The following SPIDR variants were observed in gnomAD, a reference collection of about 807,000 sequenced individuals.
SPIDR encodes the protein scaffold protein involved in DNA repair.
Under a neutral mutation model 104.6 loss-of-function variants are expected in SPIDR, and 93 were observed. That is an observed-to-expected ratio of 0.89 (90% CI 0.75 to 1.06). The LOEUF (loss-of-function observed/expected upper bound fraction) is 1.06, where lower values mean the gene tolerates loss of function less well. Among genes scored for constraint, SPIDR ranks in the 50% least tolerant of loss-of-function variants. SPIDR has a pLI of 0.00. For synonymous variants in SPIDR, 431 were observed against 416.9 expected (o/e 1.03, Z -0.41); for missense variants, 1,154 against 1,111.2 (o/e 1.04, Z -0.55).
intron 5 of SPIDR, among the ~76,000 whole-genome samples, chr8:47,323,102 GA>G (rs2047041851): frequency 4.7e-5 from 7 of 149,180 alleles, no homozygotes; most frequent in Non-Finnish European, 8.9e-5. Flanking sequence ...AAAAGAAGAA[GA>G]AGAGAAAAAA....
chr8:47,642,298 C>T (rs1419524326), intron 10 of SPIDR, among the ~76,000 whole-genome samples: 1 of 151,862 alleles, frequency 6.6e-6, no homozygotes, highest in Non-Finnish European at 1.5e-5. Context: ...CGCCTGTAGT[C>T]CCAGCTACTC....
intron 11 of SPIDR, among the ~76,000 whole-genome samples, chr8:47,688,003 G>A (rs1365120702): frequency 7.3e-5 from 8 of 109,968 alleles, no homozygotes; most frequent in Non-Finnish European, 1.6e-4. Flanking sequence ...AGACCTGGCT[G>A]TCAAAAAAAA....
intron 8 of SPIDR, among the ~76,000 whole-genome samples, chr8:47,551,899 T>C (rs2090556196): frequency 6.6e-6 from 1 of 152,228 alleles, no homozygotes; most frequent in Admixed American, 6.5e-5. Context: ...CTTTCTTTTA[T>C]GGGCATTTAA....
intron 10 of SPIDR, among the ~76,000 whole-genome samples, chr8:47,646,883 T>G (rs1410996541): frequency 6.6e-6 from 1 of 152,204 alleles, no homozygotes; most frequent in Admixed American, 6.5e-5. Context: ...CTTGAAATGT[T>G]TAGACGTTAT....
intron 5 of SPIDR, among the ~76,000 whole-genome samples, chr8:47,373,844 T>C (rs186371591): frequency 1.1e-4 from 16 of 152,264 alleles, no homozygotes; most frequent in African/African-American, 3.6e-4. Flanking sequence ...TTTTCAGTTA[T>C]TAATAAATAT....
chr8:47,430,983 C>T (rs1460599661), intron 7 of SPIDR, among the ~76,000 whole-genome samples: 1 of 152,186 alleles, frequency 6.6e-6, no homozygotes. Flanking sequence ...GTGTGTTGGG[C>T]GGTCCTGTAT....
At chr8:47,461,071 T>C (rs1280795700) in intron 8 of SPIDR, among the ~76,000 whole-genome samples, 9 of 152,188 alleles carry the variant, frequency 5.9e-5, no homozygotes, top group Admixed American at 5.9e-4. Context: ...CCTGGTGCTT[T>C]TGCCTCACAG....
At chr8:47,305,981 T>C (rs1350331572) in intron 5 of SPIDR, among the ~76,000 whole-genome samples, 1 of 152,178 alleles carries the variant, frequency 6.6e-6, no homozygotes, top group Admixed American at 6.6e-5. Flanking sequence ...AACTCCTCCT[T>C]CTGTCTTTCC....
At chr8:47,371,913 T>C (rs782523025) in intron 5 of SPIDR, among the ~76,000 whole-genome samples, 7 of 152,184 alleles carry the variant, frequency 4.6e-5, no homozygotes, top group East Asian at 3.9e-4. Flanking sequence ...GGTTCTGCCG[T>C]ATTGACTACA....
At chr8:47,458,324 T>TA (rs1425670287) in intron 8 of SPIDR, among the ~76,000 whole-genome samples, 2 of 21,070 alleles carry the variant, frequency 9.5e-5, no homozygotes, top group Non-Finnish European at 2.0e-4. Flanking sequence ...TATTCCTAAG[T>TA]ATTTTATTTT....
intron 6 of SPIDR, 44 bp from the exon 7 acceptor site, chr8:47,407,816 GT>G (rs2062961360): frequency 8.1e-7 from 1 of 1,234,990 alleles, no homozygotes; most frequent in Non-Finnish European, 1.2e-6. Flanking sequence ...TGATTCTGAA[GT>G]TTTCCTTTTA....
At chr8:47,300,060 G>A (rs987185240) in intron 5 of SPIDR, among the ~76,000 whole-genome samples, 9 of 152,284 alleles carry the variant, frequency 5.9e-5, no homozygotes, top group Admixed American at 1.3e-4. Flanking sequence ...GGTAGAATTT[G>A]GCTGTGAATC....
chr8:47,517,383 C>G (rs1270004610), intron 8 of SPIDR, among the ~76,000 whole-genome samples: 2 of 152,140 alleles, frequency 1.3e-5, no homozygotes, highest in Non-Finnish European at 2.9e-5. Flanking sequence ...GAGAGTTCCT[C>G]ATCAATCCTT....
intron 17 of SPIDR, chr8:47,728,650 C>A: frequency 3.3e-6 from 1 of 299,846 alleles, no homozygotes; most frequent in Non-Finnish European, 6.2e-6. Context: ...TGACCCCTGG[C>A]CTCCCAGGCC....
intron 8 of SPIDR, among the ~76,000 whole-genome samples, chr8:47,455,875 T>A (rs2072868062): frequency 6.6e-6 from 1 of 152,014 alleles, no homozygotes; most frequent in Non-Finnish European, 1.5e-5. Context: ...ATGGACAGAA[T>A]TGAAAGGAGA....
At chr8:47,390,913 T>G (rs782107709) in intron 5 of SPIDR, among the ~76,000 whole-genome samples, 2 of 152,174 alleles carry the variant, frequency 1.3e-5, no homozygotes, top group East Asian at 1.9e-4. Context: ...AAAGGAAATA[T>G]AAGCTTGAAC....
chr8:47,700,126 A>G (rs2079942276), intron 11 of SPIDR, among the ~76,000 whole-genome samples: 1 of 152,296 alleles, frequency 6.6e-6, no homozygotes, highest in African/African-American at 2.4e-5. Flanking sequence ...TTCCATGTCC[A>G]TAAGTATTTT....
intron 16 of SPIDR, among the ~76,000 whole-genome samples, chr8:47,726,642 C>T (rs1423743597): frequency 6.6e-6 from 1 of 152,210 alleles, no homozygotes; most frequent in East Asian, 1.9e-4. Flanking sequence ...CACTCCCTTC[C>T]TCAGGAAGCC....
chr8:47,662,886 TCTGTGAGGCAGCAGGCCCTC>T (rs1178527445), intron 10 of SPIDR, among the ~76,000 whole-genome samples: 1 of 152,214 alleles, frequency 6.6e-6, no homozygotes, highest in Non-Finnish European at 1.5e-5. Flanking sequence ...AAGACAGCTG[TCTGTGAGGCAGCAGGCCCTC>T]AACCAGATGC....
Sources: allele counts gnomAD v4.1 joint callset (sites outside exome capture counted in the v4.1 genomes callset), GRCh38; gene constraint gnomAD v4.1.1; transcripts MANE v1.5; gene names NCBI Gene and HGNC (gene_info 2026-07-23, HGNC 2026-07-21).